Variants in RBFOX3 observed in about 807,000 individuals in gnomAD.
The protein encoded by RBFOX3 is RNA binding protein fox-1 homolog 3.
Under a neutral mutation model 48.7 loss-of-function variants are expected in RBFOX3, and 17 were observed. The ratio of observed to expected loss-of-function variants is 0.35; its 90% CI spans 0.24 to 0.52. The LOEUF (loss-of-function observed/expected upper bound fraction) is 0.52, where lower values mean the gene tolerates loss of function less well. Ranked by LOEUF, RBFOX3 falls within the 20% of genes least tolerant of loss-of-function variation. The pLI is 0.94. For synonymous variants in RBFOX3, 212 were observed against 209.5 expected (o/e 1.01, Z -0.10); for missense variants, 382 against 497.5 (o/e 0.77, Z 2.21).
intron 8 of RBFOX3, among the ~76,000 whole-genome samples, chr17:79,102,529 C>G (rs1221385471): frequency 6.6e-6 from 1 of 152,214 alleles, no homozygotes; most frequent in Non-Finnish European, 1.5e-5. Flanking sequence ...ACCCAGGCCG[C>G]AGCAAGGGAA....
Position 79,090,115 on chromosome 17 carries a change from TC to T in RBFOX3, c.*767del, listed in dbSNP as rs577630153. 1 of 152,268 alleles carries T rather than the reference TC, an allele frequency of 6.6e-6. No individual in the cohort carries two copies. Among genetic ancestry groups the T allele is most frequent in the South Asian group, 2.1e-4 (1 of 4,832 alleles). The allele number at this position is 152,268 out of a possible 1,614,324, so 9.4% of individuals were successfully genotyped here. On this transcript the variant is annotated 3_prime_UTR_variant, in exon 15 of 15. Transcript: ENST00000693108. ...GAGATGGCCAGGAAGAGCAAGTAAG[TC>T]CTTGGCCTCAGGGCCCACTTGGCCA...
intron 4 of RBFOX3, among the ~76,000 whole-genome samples, chr17:79,159,374 C>T (rs2145226781): frequency 6.6e-6 from 1 of 152,242 alleles, no homozygotes; most frequent in Admixed American, 6.5e-5. Flanking sequence ...TGCCTGCGGC[C>T]CTGGCTCTCC....
At chr17:79,166,232 G>A (rs946235066) in intron 4 of RBFOX3, among the ~76,000 whole-genome samples, 3 of 147,888 alleles carry the variant, frequency 2.0e-5, no homozygotes, top group African/African-American at 7.3e-5. Context: ...CAGTGTGGGA[G>A]GGGCTCCTTT....
chr17:79,144,688 C>G (rs755482786), intron 4 of RBFOX3, among the ~76,000 whole-genome samples: 1 of 152,186 alleles, frequency 6.6e-6, no homozygotes, highest in Non-Finnish European at 1.5e-5. Flanking sequence ...CCCCGAACGC[C>G]GAGTGCCTCC....
chr17:79,278,558 C>G (rs2069479001), intron 3 of RBFOX3, among the ~76,000 whole-genome samples: 1 of 147,562 alleles, frequency 6.8e-6, no homozygotes, highest in East Asian at 2.0e-4. Context: ...GCAGACCCCC[C>G]ACCCTGCCTG....
intron 8 of RBFOX3, 55 bp from the exon 9 acceptor site, chr17:79,101,699 C>T (rs1226639512): frequency 6.8e-7 from 1 of 1,473,366 alleles, no homozygotes; most frequent in Non-Finnish European, 9.3e-7. Flanking sequence ...TCCTGGAAGA[C>T]CCACTGGCCA....
intron 1 of RBFOX3, among the ~76,000 whole-genome samples, chr17:79,527,049 G>A (rs1198046968): frequency 6.6e-6 from 1 of 152,106 alleles, no homozygotes; most frequent in East Asian, 1.9e-4. Context: ...CCCCACCCTG[G>A]GCAGCCTGAG....
the RBFOX3 span, among the ~76,000 whole-genome samples, chr17:79,617,081 CT>C: frequency 6.6e-6 from 1 of 152,150 alleles, no homozygotes; most frequent in African/African-American, 2.4e-5. Flanking sequence ...TCTCCTGACC[CT>C]TTTTTCCTGG....
At chr17:79,665,550 C>A in the RBFOX3 span, among the ~76,000 whole-genome samples, 1 of 152,250 alleles carries the variant, frequency 6.6e-6, no homozygotes, top group Non-Finnish European at 1.5e-5. Flanking sequence ...CTGGCTCTGA[C>A]AGGCTTTGGG....
chr17:79,474,768 C>T (rs1274621928), intron 2 of RBFOX3, among the ~76,000 whole-genome samples: 2 of 152,192 alleles, frequency 1.3e-5, no homozygotes, highest in Non-Finnish European at 2.9e-5. Flanking sequence ...CTGCTGCCCG[C>T]CCACTGGCCT....
intron 1 of RBFOX3, among the ~76,000 whole-genome samples, chr17:79,577,187 T>C (rs2092891746): frequency 6.6e-6 from 1 of 152,174 alleles, no homozygotes; most frequent in South Asian, 2.1e-4. Context: ...GACGTGTCTG[T>C]CTTCCAATGA....
the RBFOX3 span, among the ~76,000 whole-genome samples, chr17:79,638,213 T>C: frequency 7.4e-5 from 11 of 149,574 alleles, no homozygotes; most frequent in African/African-American, 2.7e-4. Flanking sequence ...AGCTCAAATA[T>C]AGTAGAAGAA....
intron 2 of RBFOX3, among the ~76,000 whole-genome samples, chr17:79,374,271 A>G (rs2058947111): frequency 6.6e-6 from 1 of 152,166 alleles, no homozygotes; most frequent in Non-Finnish European, 1.5e-5. Context: ...AGTAAAGACG[A>G]GAAGCCGCAG....
chr17:79,302,195 T>C (rs2075418120), intron 3 of RBFOX3, among the ~76,000 whole-genome samples: 1 of 152,246 alleles, frequency 6.6e-6, no homozygotes, highest in Admixed American at 6.5e-5. Flanking sequence ...GGCACTGTGC[T>C]GATTCCTTCA....
the RBFOX3 span, among the ~76,000 whole-genome samples, chr17:79,649,679 C>T: frequency 1.3e-5 from 2 of 151,962 alleles, no homozygotes; most frequent in African/African-American, 2.4e-5. Flanking sequence ...GCACTTCAGC[C>T]GACAGAGCAA....
chr17:79,484,686 G>C (rs1288155934), intron 1 of RBFOX3, among the ~76,000 whole-genome samples: 5 of 152,150 alleles, frequency 3.3e-5, no homozygotes, highest in Non-Finnish European at 2.9e-5. Context: ...GCCTGGTGGG[G>C]AGAGAAAGCA....
intron 1 of RBFOX3, chr17:79,598,347 CACAT>C (rs1487936986): frequency 2.0e-5 from 3 of 151,816 alleles, no homozygotes; most frequent in African/African-American, 4.8e-5. Context: ...CACATGCACA[CACAT>C]ACATGCACAC....
chr17:79,179,298 C>A (rs548387783), intron 4 of RBFOX3, among the ~76,000 whole-genome samples: 1 of 152,362 alleles, frequency 6.6e-6, no homozygotes, highest in Non-Finnish European at 1.5e-5. Flanking sequence ...CCAGAGGGAA[C>A]GTGCTCTGCC....
At position 79,483,000 on chromosome 17, in the gene RBFOX3, G is replaced by A. The variant is rs1179892358; in HGVS notation, c.-319-402C>T. Among the ~76,000 whole-genome samples, 3 of 151,778 alleles carry A rather than the reference G, an allele frequency of 2.0e-5. No homozygotes were observed. The highest frequency in any genetic ancestry group is 2.0e-4 in the Admixed American group (3 of 15,250). The stretch of plus-strand genomic sequence containing the variant: ...CTCCCCCACCCAGCCTAGATTCCAG[G>A]ACCCACCACTGTCCGCACTCTCCCA... On this transcript the variant is annotated intron_variant, in intron 1 of 14. Coordinates refer to ENST00000693108, the MANE Select transcript of RBFOX3 (RefSeq NM_001350451.2). This position sits in a 1 kb window ranked among gnomAD's most constrained non-coding sequence, Gnocchi z 4.1.
Sources: allele counts gnomAD v4.1 joint callset (sites outside exome capture counted in the v4.1 genomes callset), GRCh38; gene constraint gnomAD v4.1.1; non-coding constraint Gnocchi (gnomAD v3.1); transcripts MANE v1.5; gene names NCBI Gene and HGNC (gene_info 2026-07-23, HGNC 2026-07-21).